Variants in LIN7C observed in about 807,000 individuals in gnomAD.
LIN7C encodes protein lin-7 homolog C.
In LIN7C, 17 loss-of-function variants were observed where a neutral mutation model predicts 24.7. The ratio of observed to expected loss-of-function variants is 0.69; its 90% CI spans 0.47 to 1.03. LIN7C has a LOEUF of 1.03. LIN7C is among the 50% of genes least tolerant of loss of function. The pLI, the probability that LIN7C is intolerant of heterozygous loss-of-function variation, is 0.00. For synonymous variants in LIN7C, 90 were observed against 83.4 expected, an observed-to-expected ratio of 1.08 and a Z score of -0.43; for missense variants, 204 against 239.0, an observed-to-expected ratio of 0.85 and a Z score of 0.97.
chr11:27,498,557 T>A lies in LIN7C; in HGVS notation c.*92A>T. ...AATTTCATGATAAATTTGTTTGTTT[T>A]CTTACAATCATTGGCATTGCAGCCA... On this transcript the variant is annotated 3_prime_UTR_variant, in exon 5 of 5. Transcript: ENST00000278193. The A allele has an allele frequency of 8.5e-7, 1 of 1,173,510 alleles. No homozygotes were observed. Among genetic ancestry groups the A allele is most frequent in the Non-Finnish European group, 1.2e-6 (1 of 820,686 alleles). The allele number at this position is 1,173,510 out of a possible 1,614,324, so 72.7% of individuals were successfully genotyped here.
At chr11:27,503,005 C>T (rs1450267701) in intron 1 of LIN7C, among the ~76,000 whole-genome samples, 1 of 151,914 alleles carries the variant, frequency 6.6e-6, no homozygotes, top group East Asian at 1.9e-4. Flanking sequence ...ATCCCAGCTA[C>T]TTGGGAGGCC....
At chr11:27,501,055 C>T (rs1347978321) in intron 3 of LIN7C, among the ~76,000 whole-genome samples, 1 of 152,134 alleles carries the variant, frequency 6.6e-6, no homozygotes, top group Non-Finnish European at 1.5e-5. Flanking sequence ...AAAATCAACT[C>T]GGGGAAGTAC....
In LIN7C at chr11:27,506,724, A is replaced by G. The variant is rs1163301666; in HGVS notation, c.29T>C (p.Leu10Pro). MAALGEPVRLERDICRAIEL... is the reference protein window; with the variant it reads MAALGEPVRPERDICRAIEL... Reference sequence around the variant, plus strand: ...GCCTCGGCTGCACTCACCTCTCTCCAGCCGCACGGGTTCCCCTAGCGCCGC... The same window carrying G: ...GCCTCGGCTGCACTCACCTCTCTCCGGCCGCACGGGTTCCCCTAGCGCCGC... Residue 10 changes from leucine to proline, a missense_variant, in exon 1 of 5, where the codon CTG (leucine) becomes CCG (proline). Physicochemically the swap from Leu to Pro is moderately conservative, Grantham distance 98. Coordinates refer to ENST00000278193, the MANE Select transcript of LIN7C (RefSeq NM_018362.4). 6.2e-7 allele frequency: 1 copy of G among 1,613,578 alleles called. No individual in the cohort carries two copies. The highest frequency in any genetic ancestry group is 1.3e-5 in the African/African-American group (1 of 74,942).
chr11:27,498,861 C>A, intron 4 of LIN7C, 57 bp from the exon 5 acceptor site: 1 of 1,452,000 alleles, frequency 6.9e-7, no homozygotes, highest in East Asian at 2.3e-5. Flanking sequence ...GAAAGTAACT[C>A]AAAATGCAAA....
rs1865168690 is a variant in LIN7C, at chr11:27,496,225, G to A, written c.*2424C>T. ...AGGACCCAGGTATCAATTTTTTAAA[G>A]CTCTGCCAGGCTAATATGTAGCTAA... On this transcript the variant is annotated 3_prime_UTR_variant, in exon 5 of 5. Transcript: ENST00000278193. The A allele has an allele frequency of 6.6e-6, 1 of 151,434 alleles. No individual in the cohort carries two copies. Among genetic ancestry groups the A allele is most frequent in the African/African-American group, 2.4e-5 (1 of 41,204 alleles). 9.4% of individuals were successfully genotyped at this position (151,434 alleles called of 1,614,324 possible). A position where few individuals can be genotyped will look rare whatever the true frequency, so the allele number is the denominator to read the frequency against.
Position 27,501,917 on chromosome 11 carries a change from A to AT in LIN7C, c.40dup (p.Ile14AsnfsTer3). 6.4e-7 allele frequency: 1 copy of AT among 1,566,082 alleles called. No individual in the cohort carries two copies. Among genetic ancestry groups the AT allele is most frequent in the African/African-American group, 1.4e-5 (1 of 74,022 alleles). Reference sequence around the variant, plus strand: ...TTCCAATAATTCAATTGCTCTACAAATATCTAGAGTTAAACACACACACAG... The same window carrying AT: ...TTCCAATAATTCAATTGCTCTACAAATTATCTAGAGTTAAACACACACACAG... On this transcript the variant is annotated frameshift_variant, in exon 2 of 5. Coordinates refer to ENST00000278193, the MANE Select transcript of LIN7C (RefSeq NM_018362.4). LOFTEE classifies it high-confidence loss of function.
At position 27,497,885 on chromosome 11, in the gene LIN7C, G is replaced by A. The variant is rs775671159; in HGVS notation, c.*764C>T. On this transcript the variant is annotated 3_prime_UTR_variant, in exon 5 of 5. Coordinates refer to ENST00000278193, the MANE Select transcript of LIN7C (RefSeq NM_018362.4). ...GTTTTGCATTTATAATTTGATGTAC[G>A]GTTGAACATAAATAGGGATGTAATA... The A allele has an allele frequency of 2.6e-5, 4 of 152,004 alleles. No individual in the cohort carries two copies. The highest frequency in any genetic ancestry group is 9.7e-5 in the African/African-American group (4 of 41,396). The allele number at this position is 152,004 out of a possible 1,614,324, so 9.4% of individuals were successfully genotyped here.
chr11:27,499,239 G>A, intron 4 of LIN7C, 120 bp downstream of exon 4: 1 of 736,310 alleles, frequency 1.4e-6, no homozygotes, highest in South Asian at 1.8e-5. Context: ...TAATAGTACT[G>A]CCTAGGATTC....
Position 27,499,339 on chromosome 11 carries a change from G to A in LIN7C, c.438+20C>T. ...TGGTCACAACAGATCACTACAAATA[G>A]AAATAAAATTCATCCTTACCACTCC... On this transcript the variant is annotated intron_variant, in intron 4 of 4. Coordinates refer to ENST00000278193, the MANE Select transcript of LIN7C (RefSeq NM_018362.4). The A allele has an allele frequency of 7.5e-6, 12 of 1,603,644 alleles. No individual in the cohort carries two copies. The highest frequency in any genetic ancestry group is 1.0e-5 in the Non-Finnish European group (12 of 1,170,798).
At chr11:27,500,466 A>G (rs1052407270) in intron 3 of LIN7C, among the ~76,000 whole-genome samples, 5 of 152,238 alleles carry the variant, frequency 3.3e-5, no homozygotes, top group Admixed American at 1.3e-4. Context: ...GACACAACTA[A>G]AAATCCCCAC....
chr11:27,506,565 GC>G (rs1426234173), intron 1 of LIN7C, 150 bp downstream of exon 1: 9 of 805,056 alleles, frequency 1.1e-5, no homozygotes, highest in Non-Finnish European at 1.4e-5. Flanking sequence ...CCTTCCTAGA[GC>G]CAGGCACAGA....
intron 1 of LIN7C, among the ~76,000 whole-genome samples, chr11:27,503,684 T>C (rs1865246475): frequency 6.6e-6 from 1 of 151,984 alleles, no homozygotes; most frequent in South Asian, 2.1e-4. Context: ...CGGCTAATTT[T>C]TGTATTTTTA....
rs1024341783 is a variant in LIN7C at position 27,497,537 on chromosome 11, T to C, written c.*1112A>G. ...AAAGTTGCCTCTTTAAATCCAACAA[T>C]TTTAGTATGAGTTCCTACTTATTTT... On this transcript the variant is annotated 3_prime_UTR_variant, in exon 5 of 5. Coordinates refer to ENST00000278193, the MANE Select transcript of LIN7C (RefSeq NM_018362.4). 3 of 152,566 alleles carry C rather than the reference T, an allele frequency of 2.0e-5. No homozygotes were observed. The highest frequency in any genetic ancestry group is 4.8e-5 in the African/African-American group (2 of 41,466). 9.5% of individuals were successfully genotyped at this position (152,566 alleles called of 1,614,324 possible). A position where few individuals can be genotyped will look rare whatever the true frequency, so the allele number is the denominator to read the frequency against.
rs1865186153 is a variant in LIN7C at position 27,497,854 on chromosome 11, GA to G, written c.*794del. The G allele has an allele frequency of 6.6e-6, 1 of 152,112 alleles. No homozygotes were observed. The highest frequency in any genetic ancestry group is 2.4e-5 in the African/African-American group (1 of 41,442). The allele number at this position is 152,112 out of a possible 1,614,324, so 9.4% of individuals were successfully genotyped here. A position where few individuals can be genotyped will look rare whatever the true frequency, so the allele number is the denominator to read the frequency against. Reference sequence around the variant, plus strand: ...AAAGAAATCACAAAAGATGAAATCTGAACCTGTTTTGCATTTATAATTTGAT... The same window carrying G: ...AAAGAAATCACAAAAGATGAAATCTGACCTGTTTTGCATTTATAATTTGAT... On this transcript the variant is annotated 3_prime_UTR_variant, in exon 5 of 5. Coordinates refer to ENST00000278193, the MANE Select transcript of LIN7C (RefSeq NM_018362.4).
At chr11:27,506,403 T>C (rs1397331333) in intron 1 of LIN7C, among the ~76,000 whole-genome samples, 1 of 152,194 alleles carries the variant, frequency 6.6e-6, no homozygotes, top group Admixed American at 6.5e-5. Context: ...TGTACGGGTC[T>C]CCGAATGCTG....
Position 27,499,538 on chromosome 11 carries a change from C to CA in LIN7C, c.258_259insT (p.Gly87TrpfsTer9). ...TCAACAACTCGAGGATGAGAATGTC[C>CA]TTCACTGGCAGCAAATGCAGCAACA... On this transcript the variant is annotated frameshift_variant, in exon 4 of 5. Coordinates refer to ENST00000278193, the MANE Select transcript of LIN7C (RefSeq NM_018362.4). LOFTEE classifies it high-confidence loss of function. 5 of 1,614,174 alleles carry CA rather than the reference C, an allele frequency of 3.1e-6. No individual in the cohort carries two copies. The highest frequency in any genetic ancestry group is 4.2e-6 in the Non-Finnish European group (5 of 1,180,040).
At position 27,498,800 on chromosome 11, in the gene LIN7C, A is replaced by G; in HGVS notation, c.443T>C (p.Val148Ala). ...DQLLSVNGVS[V>A]EGEHHEKAVE... Reference sequence around the variant, plus strand: ...AGCTTTTTCATGATGTTCTCCTTCAACACTCTAGGGGAAAAAAAAACAACC... The same window carrying G: ...AGCTTTTTCATGATGTTCTCCTTCAGCACTCTAGGGGAAAAAAAAACAACC... Residue 148 changes from valine to alanine, a missense_variant, in exon 5 of 5, where the codon GTT (valine) becomes GCT (alanine). Val to Ala is a moderately conservative substitution (Grantham distance 64). Around this residue, in one of 3 missense-constraint regions of LIN7C, gnomAD observed 74 missense variants for 99.6 expected, o/e 0.74. Transcript: ENST00000278193. 1.2e-6 allele frequency: 2 copies of G among 1,613,378 alleles called. No homozygotes were observed. The highest frequency in any genetic ancestry group is 1.7e-6 in the Non-Finnish European group (2 of 1,179,734).
chr11:27,498,969 A>G lies in LIN7C; in HGVS notation c.439-165T>C, dbSNP rs566867156. ...ATCCTGCCTTACCATTTTAATCTATATGAAATCCTCTCTTACATCATATTC... is the reference window on the plus strand; with the variant it reads ...ATCCTGCCTTACCATTTTAATCTATGTGAAATCCTCTCTTACATCATATTC... On this transcript the variant is annotated intron_variant, in intron 4 of 4. Coordinates refer to ENST00000278193, the MANE Select transcript of LIN7C (RefSeq NM_018362.4). Among the ~76,000 whole-genome samples, 4 of 152,346 alleles carry G rather than the reference A, an allele frequency of 2.6e-5. No homozygotes were observed. In the South Asian group the frequency reaches 8.3e-4, roughly 32 times the overall value.
At chr11:27,500,721 T>C (rs370834028) in intron 3 of LIN7C, among the ~76,000 whole-genome samples, 2 of 152,202 alleles carry the variant, frequency 1.3e-5, no homozygotes, top group African/African-American at 4.8e-5. Context: ...AGGCCTCATT[T>C]TTCAGATAAT....
Sources: allele counts gnomAD v4.1 joint callset (sites outside exome capture counted in the v4.1 genomes callset), GRCh38; gene constraint gnomAD v4.1.1; regional missense constraint gnomAD v4.1.1; transcripts MANE v1.5; gene names NCBI Gene and HGNC (gene_info 2026-07-23, HGNC 2026-07-21).